ANO6: variants seen among roughly 807,000 people sequenced by gnomAD.
The protein encoded by ANO6 is anoctamin-6.
Under a neutral mutation model 117.5 loss-of-function variants are expected in ANO6, and 106 were observed. The observed-to-expected ratio is 0.90, with a 90% CI of 0.77 to 1.06. The LOEUF is 1.06. ANO6 is among the 50% of genes least tolerant of loss of function. The probability of loss-of-function intolerance (pLI) is 0.00; values close to 1 mark genes in which losing one functional copy is unlikely to be tolerated. For missense variants in ANO6, 955 were observed against 1,121.1 expected (o/e 0.85, Z 2.12); for synonymous variants, 367 against 385.1 (o/e 0.95, Z 0.55).
intron 2 of ANO6, among the ~76,000 whole-genome samples, chr12:45,304,995 CCATTGATTA>C (rs1276928874): frequency 1.4e-4 from 22 of 152,300 alleles, no homozygotes; most frequent in Middle Eastern, 3.4e-3. Flanking sequence ...CGGAGTTTGT[CCATTGATTA>C]CATGTCACCT....
chr12:45,254,970 A>G (rs989456682), intron 1 of ANO6, among the ~76,000 whole-genome samples: 2 of 152,214 alleles, frequency 1.3e-5, no homozygotes, highest in African/African-American at 4.8e-5. Context: ...CATATATTTT[A>G]TGATTGAGAA....
At chr12:45,377,380 T>C (rs900283759) in intron 9 of ANO6, among the ~76,000 whole-genome samples, 2 of 152,220 alleles carry the variant, frequency 1.3e-5, no homozygotes, top group Admixed American at 6.5e-5. Flanking sequence ...GCAGAACTAG[T>C]AAATAAAGCC....
At chr12:45,357,867 A>T (rs1941454163) in intron 8 of ANO6, among the ~76,000 whole-genome samples, 1 of 152,170 alleles carries the variant, frequency 6.6e-6, no homozygotes, top group Admixed American at 6.5e-5. Context: ...ATTTCTTACT[A>T]CTAAAAAGTG....
At chr12:45,271,180 G>A (rs1938383395) in intron 1 of ANO6, among the ~76,000 whole-genome samples, 1 of 152,142 alleles carries the variant, frequency 6.6e-6, no homozygotes, top group Non-Finnish European at 1.5e-5. Flanking sequence ...AGATTTCAGT[G>A]ACCTTACATG....
chr12:45,302,096 G>T lies in ANO6; in HGVS notation c.150+3G>T. 1 of 1,613,002 alleles carries T rather than the reference G, an allele frequency of 6.2e-7. No homozygotes were observed. Among genetic ancestry groups the T allele is most frequent in the Non-Finnish European group, 8.5e-7 (1 of 1,179,040 alleles). ...ATGATTTTCGAACCCCGGAGTTTGT[G>T]AGTACTATTCCTTTATCTTAAATTT... On this transcript the variant is annotated splice_donor_region_variant and intron_variant, in intron 2 of 19. Coordinates refer to ENST00000320560, the MANE Select transcript of ANO6 (RefSeq NM_001025356.3).
chr12:45,303,987 G>A (rs1194711164), intron 2 of ANO6, among the ~76,000 whole-genome samples: 2 of 152,168 alleles, frequency 1.3e-5, no homozygotes, highest in Non-Finnish European at 2.9e-5. Context: ...TCTGTATCCT[G>A]GCTATTATCT....
intron 1 of ANO6, among the ~76,000 whole-genome samples, chr12:45,237,571 C>T (rs185625375): frequency 6.6e-6 from 1 of 152,114 alleles, no homozygotes; most frequent in Non-Finnish European, 1.5e-5. Context: ...CTGTTCTGTT[C>T]CATTGGTCTA....
chr12:45,331,528 TA>T, intron 3 of ANO6, 105 bp downstream of exon 3: 2 of 1,068,800 alleles, frequency 1.9e-6, no homozygotes, highest in Non-Finnish European at 2.7e-6. Context: ...TGAAATATCA[TA>T]CACAAAACAG....
intron 19 of ANO6, chr12:45,439,574 A>G: frequency 1.8e-6 from 2 of 1,110,246 alleles, no homozygotes; most frequent in Non-Finnish European, 2.4e-6. Context: ...TCAAAGGTAA[A>G]TACTAACACT....
chr12:45,321,241 T>C (rs1416295486), intron 2 of ANO6, among the ~76,000 whole-genome samples: 3 of 152,182 alleles, frequency 2.0e-5, no homozygotes, highest in African/African-American at 7.2e-5. Flanking sequence ...TGGATGTTCT[T>C]CTTGGATTGC....
At chr12:45,369,303 T>C (rs1232710706) in intron 9 of ANO6, among the ~76,000 whole-genome samples, 1 of 152,216 alleles carries the variant, frequency 6.6e-6, no homozygotes, top group Non-Finnish European at 1.5e-5. Context: ...AGCTGTACCC[T>C]GAAGCACTGG....
At chr12:45,413,243 GACA>G (rs1299300102) in intron 16 of ANO6, among the ~76,000 whole-genome samples, 20 of 152,222 alleles carry the variant, frequency 1.3e-4, no homozygotes, top group African/African-American at 4.1e-4. Context: ...AGGTAACCCA[GACA>G]ACAAGTGATA....
In ANO6 at chr12:45,381,264, A is replaced by T. The variant is rs185914897; in HGVS notation, c.1165+3151A>T. Among the ~76,000 whole-genome samples, 172 of 152,266 alleles carry T rather than the reference A, an allele frequency of 1.1e-3. 2 individuals are homozygous for T. The highest frequency in any genetic ancestry group is 6.7e-3 in the Admixed American group (103 of 15,294). The stretch of plus-strand genomic sequence containing the variant: ...TGATTAAGAGGAAGAGCTGTTATTG[A>T]TCCCCAAGTTCCAGACAACCTTTCT... On this transcript the variant is annotated intron_variant, in intron 10 of 19. Coordinates refer to ENST00000320560, the MANE Select transcript of ANO6 (RefSeq NM_001025356.3).
rs1191507039 is a variant in ANO6 at position 45,350,675 on chromosome 12, A to C, written c.764A>C (p.Gln255Pro). 8.7e-6 allele frequency: 14 copies of C among 1,613,698 alleles called. No homozygotes were observed. The highest frequency in any genetic ancestry group is 6.7e-5 in the African/African-American group (5 of 74,910). ...GCGTCACAGTGCAAATTCCGCCGTCAGTCAGAGGATCCCAGCTGCCCTAAT... is the reference window on the plus strand; with the variant it reads ...GCGTCACAGTGCAAATTCCGCCGTCCGTCAGAGGATCCCAGCTGCCCTAAT... The part of the protein sequence containing the change: ...FPLHDCKFRR[Q>P]SEDPSCPNER... Residue 255 changes from glutamine (Q) to proline (P), a missense_variant, in exon 7 of 20, where the codon CAG becomes CCG. By Grantham distance (76) the Gln-to-Pro change is moderately conservative. Transcript: ENST00000320560.
chr12:45,218,207 C>G (rs1249631521), intron 1 of ANO6, among the ~76,000 whole-genome samples: 1 of 151,942 alleles, frequency 6.6e-6, no homozygotes, highest in Non-Finnish European at 1.5e-5. Flanking sequence ...TAGGGCATTT[C>G]CCACTATTCC....
rs1184853538 is a variant in ANO6 at position 45,429,100 on chromosome 12, C to T, written c.2527-5C>T. The T allele has an allele frequency of 1.9e-6, 3 of 1,612,814 alleles. No individual in the cohort carries two copies. In the African/African-American group the frequency reaches 4.0e-5, roughly 22 times the overall value. ...GAGTGACATTTTTCTTCTTCTCTTCCCCAGCACGTCATCTACTCTGTGAAA... is the reference window on the plus strand; with the variant it reads ...GAGTGACATTTTTCTTCTTCTCTTCTCCAGCACGTCATCTACTCTGTGAAA... On this transcript the variant is annotated splice_polypyrimidine_tract_variant and splice_region_variant and intron_variant, in intron 19 of 19. Transcript: ENST00000320560.
chr12:45,251,258 A>G (rs1479684442), intron 1 of ANO6, among the ~76,000 whole-genome samples: 1 of 152,202 alleles, frequency 6.6e-6, no homozygotes, highest in African/African-American at 2.4e-5. Flanking sequence ...TTTCCTTAGA[A>G]GCAAACAGTG....
At position 45,390,366 on chromosome 12, in the gene ANO6, T is replaced by G. The variant is rs149735977; in HGVS notation, c.1309-55T>G. On this transcript the variant is annotated intron_variant, in intron 11 of 19. Transcript: ENST00000320560. ...ATTTATTGGCGAGTCAGGAGAAAAA[T>G]AATTTTATTACAGTAATCCCTTGAT... 62 of 1,372,908 alleles carry G rather than the reference T, an allele frequency of 4.5e-5. No homozygotes were observed. In the African/African-American group the frequency reaches 8.4e-4, roughly 19 times the overall value. The allele number at this position is 1,372,908 out of a possible 1,614,324, so 85.0% of individuals were successfully genotyped here.
At chr12:45,317,717 A>G (rs1490567643) in intron 2 of ANO6, among the ~76,000 whole-genome samples, 1 of 152,086 alleles carries the variant, frequency 6.6e-6, no homozygotes, top group South Asian at 2.1e-4. Context: ...ACAATGGTTG[A>G]ACTAGTTTAC....
Sources: gnomAD v4.1 joint callset for allele counts (sites outside exome capture counted in the v4.1 genomes callset) on GRCh38, gnomAD v4.1.1 for gene constraint, MANE v1.5 for transcripts, NCBI Gene and HGNC (gene_info 2026-07-23, HGNC 2026-07-21) for gene names.